The following HELQ variants were observed in gnomAD, a reference collection of about 807,000 sequenced individuals.
HELQ encodes helicase POLQ-like.
A neutral mutation model predicts 111.6 loss-of-function variants in HELQ; 77 were observed. The observed-to-expected ratio is 0.69, with a 90% CI of 0.57 to 0.83. HELQ has a LOEUF of 0.83. HELQ is among the 40% of genes least tolerant of loss of function. The pLI, the probability that HELQ is intolerant of heterozygous loss-of-function variation, is 0.00. For synonymous variants in HELQ, 438 were observed against 454.7 expected, an observed-to-expected ratio of 0.96 and a Z score of 0.47; for missense variants, 1,200 against 1,288.5, an observed-to-expected ratio of 0.93 and a Z score of 1.05.
chr4:83,435,416 C>T (rs940896676), intron 9 of HELQ, among the ~76,000 whole-genome samples: 1 of 151,908 alleles, frequency 6.6e-6, no homozygotes, highest in African/African-American at 2.4e-5. Flanking sequence ...ACAATATTTA[C>T]AAAATCCCTA....
Position 83,455,505 on chromosome 4 carries a change from T to C in HELQ, c.189A>G (p.Val63=), listed in dbSNP as rs140514105. Residue 63 remains valine, a synonymous_variant, in exon 1 of 18, where the codon GTA becomes GTG. Transcript: ENST00000295488. Reference sequence around the variant, plus strand: ...GGGAATCTGAGAGTAGAAGGGGCTGTACCTCAACCGGCAGTACGCCCGCGG... The same window carrying C: ...GGGAATCTGAGAGTAGAAGGGGCTGCACCTCAACCGGCAGTACGCCCGCGG... ...RKTAGVLPVE[V]QPLLLSDSPE... is the part of the protein sequence containing the mutation. 76 of 1,614,166 alleles carry C rather than the reference T, an allele frequency of 4.7e-5. No individual in the cohort carries two copies. In the African/African-American group the frequency reaches 8.9e-4, roughly 19 times the overall value.
intron 5 of HELQ, among the ~76,000 whole-genome samples, chr4:83,444,372 T>C (rs1013698162): frequency 3.9e-5 from 6 of 152,164 alleles, no homozygotes; most frequent in Admixed American, 3.3e-4. Flanking sequence ...AGCTAACTTT[T>C]AATTTTATTT....
rs756367534 is a variant in HELQ at position 83,436,977 on chromosome 4, G to A, written c.1929C>T (p.His643=). The part of the protein sequence containing the change: ...KRTIPFGVAY[H]HSGLTSDERK... ...TTTCATCACTTGTTAAGCCACTGTG[G>A]TGATAGGCAACTCCAAATGGGATAG... The change falls in exon 9 of 18, where the codon CAC becomes CAT. Residue 643 remains histidine (H), a synonymous_variant. Coordinates refer to ENST00000295488, the MANE Select transcript of HELQ (RefSeq NM_133636.5). 1.9e-5 allele frequency: 30 copies of A among 1,614,164 alleles called. No individual in the cohort carries two copies. Among genetic ancestry groups the A allele is most frequent in the Non-Finnish European group, 2.5e-5 (29 of 1,180,014 alleles).
At chr4:83,439,666 A>C (rs755915013) in intron 8 of HELQ, among the ~76,000 whole-genome samples, 197 bp downstream of exon 8, 18 of 152,162 alleles carry the variant, frequency 1.2e-4, no homozygotes, top group Admixed American at 5.2e-4. Flanking sequence ...CAGCCACCTT[A>C]GAATGTTTCT....
Position 83,448,873 on chromosome 4 carries a change from G to A in HELQ, c.1101C>T (p.Leu367=), listed in dbSNP as rs868401533. 2 of 1,613,446 alleles carry A rather than the reference G, an allele frequency of 1.2e-6. No homozygotes were observed. The highest frequency in any genetic ancestry group is 2.2e-5 in the East Asian group (1 of 44,862). ...CTTGCAGCATTAAAATCTCAGCCAC[G>A]AGGGTTTTTCCACCACTTGTTGGCA... The part of the protein sequence containing the change: ...YSLPTSGGKT[L]VAEILMLQEL... The change falls in exon 3 of 18, where the codon CTC becomes CTT. Residue 367 remains leucine (L), a synonymous_variant. Transcript: ENST00000295488.
intron 2 of HELQ, among the ~76,000 whole-genome samples, chr4:83,450,542 C>T (rs146250811): frequency 0.012 from 1,866 of 151,676 alleles, 30 homozygotes; most frequent in African/African-American, 0.042. Flanking sequence ...TGGTATCACC[C>T]GAGTTATCAA....
chr4:83,431,385 T>A (rs36124852), intron 11 of HELQ, among the ~76,000 whole-genome samples: 2,014 of 152,184 alleles, frequency 0.013, 27 homozygotes, highest in Non-Finnish European at 0.015. Context: ...CTTGAACTCC[T>A]GGGCTCAAAC....
At position 83,429,292 on chromosome 4, in the gene HELQ, A is replaced by G. The variant is rs191001525; in HGVS notation, c.2518+232T>C. Among the ~76,000 whole-genome samples the G allele has an allele frequency of 4.7e-3, 715 of 152,090 alleles. 8 individuals are homozygous for G. Among genetic ancestry groups the G allele is most frequent in the African/African-American group, 0.016 (681 of 41,506 alleles). The stretch of plus-strand genomic sequence containing the variant: ...CTCCCGAGTAGCTGGGACTACAGGC[A>G]TGTATCACCATGCCTGGCTAATTTT... On this transcript the variant is annotated intron_variant, in intron 12 of 17. Coordinates refer to ENST00000295488, the MANE Select transcript of HELQ (RefSeq NM_133636.5).
chr4:83,431,560 T>A (rs945255176), intron 11 of HELQ, 104 bp downstream of exon 11: 3 of 407,970 alleles, frequency 7.4e-6, no homozygotes, highest in Non-Finnish European at 1.3e-5. Context: ...AAATAAAAAA[T>A]TAGTATAAAA....
In HELQ at chr4:83,453,445, T is replaced by C; in HGVS notation, c.798A>G (p.Lys266=). The change falls in exon 2 of 18, where the codon AAA becomes AAG. Residue 266 remains lysine, a synonymous_variant. Transcript: ENST00000295488. ...CAGTCATGGCATTTTTTAGATGATC[T>C]TTAATACTTTTTCTCCTGTTCATAT... ...SSDMNRRKSI[K]DHLKNAMTGN... 6.2e-7 allele frequency: 1 copy of C among 1,603,942 alleles called. No homozygotes were observed. Among genetic ancestry groups the C allele is most frequent in the Non-Finnish European group, 8.5e-7 (1 of 1,177,192 alleles).
At chr4:83,454,094 C>G in intron 1 of HELQ, 149 bp from the exon 2 acceptor site, 1 of 632,826 alleles carries the variant, frequency 1.6e-6, no homozygotes, top group Non-Finnish European at 2.8e-6. Flanking sequence ...ATCCCAGCTA[C>G]TCGGAGGCTC....
intron 11 of HELQ, among the ~76,000 whole-genome samples, chr4:83,430,924 ATC>A (rs1369388686): frequency 6.6e-6 from 1 of 152,074 alleles, no homozygotes; most frequent in African/African-American, 2.4e-5. Context: ...TGATCCCTCT[ATC>A]TACCATCATG....
intron 17 of HELQ, among the ~76,000 whole-genome samples, chr4:83,413,676 T>C (rs929770514): frequency 6.6e-6 from 1 of 152,224 alleles, no homozygotes; most frequent in African/African-American, 2.4e-5. Context: ...GTATAACTTC[T>C]GAGGTTGGCT....
chr4:83,440,470 T>A (rs1023172728), intron 7 of HELQ, among the ~76,000 whole-genome samples: 1 of 152,194 alleles, frequency 6.6e-6, no homozygotes, highest in African/African-American at 2.4e-5. Flanking sequence ...ATTATGACAA[T>A]TTTTGTAGTC....
chr4:83,449,952 A>AC (rs1721260357), intron 2 of HELQ, among the ~76,000 whole-genome samples: 1 of 151,796 alleles, frequency 6.6e-6, no homozygotes, highest in Non-Finnish European at 1.5e-5. Flanking sequence ...CGGTTGTGAG[A>AC]ACATAAACTG....
Position 83,432,216 on chromosome 4 carries a change from T to C in HELQ, c.2100A>G (p.Gln700=), listed in dbSNP as rs774051004. The C allele has an allele frequency of 2.5e-6, 4 of 1,590,648 alleles. No homozygotes were observed. The highest frequency in any genetic ancestry group is 2.3e-5 in the South Asian group (2 of 87,090). The change falls in exon 10 of 18, where the codon CAA becomes CAG. Residue 700 remains glutamine, a synonymous_variant. Coordinates refer to ENST00000295488, the MANE Select transcript of HELQ (RefSeq NM_133636.5). ...YVAKEFLKRN[Q]YKQMIGRAGR... is the part of the protein sequence containing the mutation. Reference sequence around the variant, plus strand: ...CAGCTCTGCCAATCATCTGTTTATATTGATTCCTCTTTAAAAATTCCTTAG... The same window carrying C: ...CAGCTCTGCCAATCATCTGTTTATACTGATTCCTCTTTAAAAATTCCTTAG...
intron 17 of HELQ, among the ~76,000 whole-genome samples, chr4:83,410,651 T>C (rs1482026641): frequency 6.6e-6 from 1 of 152,174 alleles, no homozygotes; most frequent in Non-Finnish European, 1.5e-5. Flanking sequence ...GATTGGAAAT[T>C]CTTTGACACC....
chr4:83,451,665 A>AAAAAAAAC (rs993218666), intron 2 of HELQ, among the ~76,000 whole-genome samples: 2 of 148,850 alleles, frequency 1.3e-5, no homozygotes, highest in Non-Finnish European at 2.9e-5. Context: ...CTCCGTCTCA[A>AAAAAAAAC]AAAAAAACAA....
intron 7 of HELQ, 88 bp from the exon 8 acceptor site, chr4:83,440,096 A>T (rs1465378929): frequency 9.5e-6 from 9 of 945,892 alleles, no homozygotes; most frequent in Non-Finnish European, 9.8e-6. Context: ...AAGGTAAATA[A>T]ACCATCTATA....
Sources: allele counts gnomAD v4.1 joint callset (sites outside exome capture counted in the v4.1 genomes callset), GRCh38; gene constraint gnomAD v4.1.1; transcripts MANE v1.5; gene names NCBI Gene and HGNC (gene_info 2026-07-23, HGNC 2026-07-21).